Variants in SPICE1 observed in about 807,000 individuals in gnomAD.
The protein encoded by SPICE1 is spindle and centriole-associated protein 1.
Under a neutral mutation model 102.7 loss-of-function variants are expected in SPICE1, and 75 were observed. The ratio of observed to expected loss-of-function variants is 0.73; its 90% confidence interval spans 0.61 to 0.88. The LOEUF (loss-of-function observed/expected upper bound fraction) is 0.88, where lower values mean the gene tolerates loss of function less well. Ranked by LOEUF, SPICE1 falls within the 40% of genes least tolerant of loss-of-function variation. The probability of loss-of-function intolerance (pLI) is 0.00; values close to 1 mark genes in which losing one functional copy is unlikely to be tolerated. For missense variants in SPICE1, 979 were observed against 1,020.1 expected, an observed-to-expected ratio of 0.96 and a Z score of 0.55; for synonymous variants, 308 against 350.3, an observed-to-expected ratio of 0.88 and a Z score of 1.35.
intron 12 of SPICE1, chr3:113,459,574 C>A (rs1935877546): frequency 1.0e-6 from 1 of 985,240 alleles, no homozygotes; most frequent in Non-Finnish European, 1.2e-6. Context: ...CTAACATATT[C>A]CTTGACTGAG....
intron 7 of SPICE1, among the ~76,000 whole-genome samples, chr3:113,483,318 T>C (rs7621210): frequency 0.54 from 82,100 of 151,956 alleles, 23,453 homozygotes; most frequent in African/African-American, 0.72. Flanking sequence ...GAGACGATGG[T>C]GTTTTCTAAA....
chr3:113,506,339 A>T (rs560262580), intron 2 of SPICE1, among the ~76,000 whole-genome samples, 168 bp downstream of exon 2: 1 of 152,292 alleles, frequency 6.6e-6, no homozygotes, highest in East Asian at 1.9e-4. Flanking sequence ...CCCCCAAAGG[A>T]TTCTGCTTTT....
chr3:113,467,355 G>A lies in SPICE1; in HGVS notation c.1155+784C>T, dbSNP rs144508955. ...CGCCCAGGCTGGAGTGCAGTGGCGC[G>A]ATCTCGGCTCACTGCAACCTCCAAC... On this transcript the variant is annotated intron_variant, in intron 10 of 17. Transcript: ENST00000295872. Among the ~76,000 whole-genome samples the A allele has an allele frequency of 1.8e-3, 276 of 152,176 alleles. 9 individuals carry two copies. In the East Asian group the frequency reaches 0.043, roughly 24 times the overall value.
At chr3:113,452,147 AT>A (rs1935667474) in intron 14 of SPICE1, among the ~76,000 whole-genome samples, 1 of 152,152 alleles carries the variant, frequency 6.6e-6, no homozygotes, top group African/African-American at 2.4e-5. Context: ...AAACAACGAA[AT>A]GAAGGTTTAA....
At position 113,444,239 on chromosome 3, in the gene SPICE1, C is replaced by T. The variant is rs1935460639; in HGVS notation, c.*1068G>A. 1 of 152,166 alleles carries T rather than the reference C, an allele frequency of 6.6e-6. No homozygotes were observed. Among genetic ancestry groups the T allele is most frequent in the African/African-American group, 2.4e-5 (1 of 41,422 alleles). The allele number at this position is 152,166 out of a possible 1,614,324, so 9.4% of individuals were successfully genotyped here. ...CCTGAGCCGGGTGCAGTGGCTCACA[C>T]CTGTAATCCCGGCACTTTGGGAAAC... On this transcript the variant is annotated 3_prime_UTR_variant, in exon 18 of 18. Coordinates refer to ENST00000295872, the MANE Select transcript of SPICE1 (RefSeq NM_144718.4).
intron 1 of SPICE1, among the ~76,000 whole-genome samples, chr3:113,510,193 C>A (rs1937191293): frequency 6.6e-6 from 1 of 152,160 alleles, no homozygotes; most frequent in East Asian, 1.9e-4. Context: ...GCCATACTGG[C>A]ATTTTTAAGT....
intron 4 of SPICE1, among the ~76,000 whole-genome samples, 172 bp from the exon 5 acceptor site, chr3:113,494,314 T>G (rs1936826282): frequency 6.6e-6 from 1 of 152,090 alleles, no homozygotes; most frequent in African/African-American, 2.4e-5. Flanking sequence ...AGACAATAAT[T>G]AGTGGCTTTC....
chr3:113,459,679 C>T (rs1319256972), intron 12 of SPICE1: 3 of 847,756 alleles, frequency 3.5e-6, no homozygotes, highest in Non-Finnish European at 4.3e-6. Context: ...GTCAGGAGTT[C>T]GAGACCAGGC....
Position 113,453,961 on chromosome 3 carries a change from G to C in SPICE1, c.1658-11C>G. 1 of 1,570,952 alleles carries C rather than the reference G, an allele frequency of 6.4e-7. No homozygotes were observed. The highest frequency in any genetic ancestry group is 8.6e-7 in the Non-Finnish European group (1 of 1,160,570). On this transcript the variant is annotated splice_polypyrimidine_tract_variant and intron_variant, in intron 13 of 17. Transcript: ENST00000295872. The stretch of plus-strand genomic sequence containing the variant: ...CAGTCCTTCTCAATACTATAGATAA[G>C]AATTTAAAAATAACAAATATGTATT...
At chr3:113,490,738 T>C (rs1936747815) in intron 6 of SPICE1, among the ~76,000 whole-genome samples, 2 of 152,166 alleles carry the variant, frequency 1.3e-5, no homozygotes, top group Admixed American at 1.3e-4. Context: ...CCTGCCAATA[T>C]TACCTAAGAC....
chr3:113,493,327 G>C lies in SPICE1; in HGVS notation c.386-15C>G, dbSNP rs1166891705. The C allele has an allele frequency of 1.2e-6, 2 of 1,600,806 alleles. No homozygotes were observed. Among genetic ancestry groups the C allele is most frequent in the Non-Finnish European group, 1.7e-6 (2 of 1,168,336 alleles). On this transcript the variant is annotated splice_polypyrimidine_tract_variant and intron_variant, in intron 5 of 17. Coordinates refer to ENST00000295872, the MANE Select transcript of SPICE1 (RefSeq NM_144718.4). ...ATTTGGAAACCCTGCAAAAGGAAAA[G>C]AAGTTGTGATGATTTGTTTCATTTA...
chr3:113,459,945 T>C, intron 12 of SPICE1: 1 of 983,838 alleles, frequency 1.0e-6, no homozygotes. Flanking sequence ...CCCTAGCCAA[T>C]GAGTTTACCT....
intron 4 of SPICE1, among the ~76,000 whole-genome samples, chr3:113,497,707 C>CTTTTTTT (rs1165475734): frequency 3.3e-5 from 3 of 91,340 alleles, no homozygotes; most frequent in African/African-American, 1.4e-4. Flanking sequence ...AGAAAGAGAG[C>CTTTTTTT]TTTTTTTTTT....
intron 1 of SPICE1, among the ~76,000 whole-genome samples, chr3:113,511,498 C>T (rs200357676): frequency 2.5e-4 from 38 of 152,222 alleles, no homozygotes; most frequent in African/African-American, 7.9e-4. Context: ...ACTTGGCAAA[C>T]GAATGCAGGA....
intron 7 of SPICE1, among the ~76,000 whole-genome samples, chr3:113,471,436 TAGA>T (rs1208821485): frequency 6.6e-6 from 1 of 152,194 alleles, no homozygotes; most frequent in African/African-American, 2.4e-5. Flanking sequence ...TTTCAGAAGC[TAGA>T]AGAAGCAAGG....
At chr3:113,472,629 A>G (rs1284581257) in intron 7 of SPICE1, among the ~76,000 whole-genome samples, 14 of 152,304 alleles carry the variant, frequency 9.2e-5, no homozygotes, top group Admixed American at 9.2e-4. Flanking sequence ...GCGGTTCACG[A>G]AAATCCACTG....
chr3:113,468,777 G>A lies in SPICE1; in HGVS notation c.874C>T (p.Gln292Ter). Residue 292 changes from glutamine to a stop codon, truncating the protein, a stop_gained, in exon 9 of 18, where the codon CAG becomes TAG. Transcript: ENST00000295872. LOFTEE classifies it high-confidence loss of function. The stretch of plus-strand genomic sequence containing the variant: ...GGGACTGAACCTTTATTTAACAGCT[G>A]TTTTTGCTTCCTTGAGTTCAGCACG... ...GHVLNSRKQK[Q>*]LLNKVKRKPN... The A allele has an allele frequency of 1.2e-6, 2 of 1,612,832 alleles. No individual in the cohort carries two copies. The highest frequency in any genetic ancestry group is 1.7e-6 in the Non-Finnish European group (2 of 1,179,728).
chr3:113,448,478 T>C (rs1000609961), intron 15 of SPICE1, among the ~76,000 whole-genome samples: 2 of 151,316 alleles, frequency 1.3e-5, no homozygotes, highest in African/African-American at 4.9e-5. Flanking sequence ...TTACCTAAAG[T>C]TTTCCCAAAA....
intron 17 of SPICE1, 145 bp from the exon 18 acceptor site, chr3:113,445,505 A>G (rs1935492017): frequency 3.3e-6 from 2 of 611,250 alleles, no homozygotes; most frequent in Non-Finnish European, 5.8e-6. Flanking sequence ...GTTATTGGCA[A>G]TGTTAATTCT....
Sources: gnomAD v4.1 joint callset for allele counts (sites outside exome capture counted in the v4.1 genomes callset) on GRCh38, gnomAD v4.1.1 for gene constraint, MANE v1.5 for transcripts, NCBI Gene and HGNC (gene_info 2026-07-23, HGNC 2026-07-21) for gene names.